The following CRHR1 variants were observed in gnomAD, a reference collection of about 807,000 sequenced individuals.
CRHR1 encodes corticotropin releasing hormone receptor 1.
A neutral mutation model predicts 56.0 loss-of-function variants in CRHR1; 28 were observed. The ratio of observed to expected loss-of-function variants is 0.50; its 90% CI spans 0.37 to 0.69. The LOEUF (loss-of-function observed/expected upper bound fraction) is 0.69. CRHR1 is among the 30% of genes least tolerant of loss of function. The pLI is 0.00. For synonymous variants in CRHR1, 195 were observed against 216.5 expected, an observed-to-expected ratio of 0.90 and a Z score of 0.87; for missense variants, 376 against 548.0, an observed-to-expected ratio of 0.69 and a Z score of 3.13.
Position 45,830,506 on chromosome 17 carries a change from A to C in CRHR1, c.645A>C (p.Thr215=). ...WMFGEGCYLH[T]AIVLTYSTDR... ...TCGGCGAGGGCTGCTACCTGCACAC[A>C]GCCATCGTGCTCACCTACTCCACTG... The change falls in exon 7 of 13, where the codon ACA becomes ACC. Residue 215 remains threonine, a synonymous_variant. Transcript: ENST00000314537. 6.2e-7 allele frequency: 1 copy of C among 1,613,756 alleles called. No homozygotes were observed. Among genetic ancestry groups the C allele is most frequent in the Non-Finnish European group, 8.5e-7 (1 of 1,179,974 alleles).
chr17:45,784,492 T>C lies in CRHR1; in HGVS notation c.-53T>C. ...GCCCGCAGCCGCCCGCCGGTCCCTC[T>C]GGGATGTCCGTAGGACCCGGGCATT... On this transcript the variant is annotated 5_prime_UTR_variant, in exon 1 of 13. Coordinates refer to ENST00000314537, the MANE Select transcript of CRHR1 (RefSeq NM_004382.5). This position sits in a 1 kb window ranked among gnomAD's most constrained non-coding sequence, Gnocchi z 4.2. The C allele has an allele frequency of 6.7e-7, 1 of 1,499,662 alleles. No individual in the cohort carries two copies. The allele number at this position is 1,499,662 out of a possible 1,614,324, so 92.9% of individuals were successfully genotyped here. A position where few individuals can be genotyped will look rare whatever the true frequency, so the allele number is the denominator to read the frequency against.
chr17:45,823,252 G>A (rs926814880), intron 4 of CRHR1, among the ~76,000 whole-genome samples: 1 of 151,958 alleles, frequency 6.6e-6, no homozygotes, highest in South Asian at 2.1e-4. Flanking sequence ...CTGGGAATCT[G>A]TGTCTTTCAT....
In CRHR1 at chr17:45,784,729, CT is replaced by C; in HGVS notation, c.33+153del. The C allele has an allele frequency of 2.5e-6, 2 of 804,934 alleles. No homozygotes were observed. Among genetic ancestry groups the C allele is most frequent in the Non-Finnish European group, 3.5e-6 (2 of 565,878 alleles). The allele number at this position is 804,934 out of a possible 1,614,324, so 49.9% of individuals were successfully genotyped here. A position where few individuals can be genotyped will look rare whatever the true frequency, so the allele number is the denominator to read the frequency against. On this transcript the variant is annotated intron_variant, in intron 1 of 12. Transcript: ENST00000314537. The surrounding 1 kb of genome is among the most constrained non-coding windows in gnomAD (Gnocchi z 4.2). ...CTGGGCTCCGGGGCAGCCTAACTCT[CT>C]GGACCTTTGGAGCCAGGGTTGGGTA...
chr17:45,814,638 C>G (rs749591811), intron 2 of CRHR1, among the ~76,000 whole-genome samples: 2 of 152,242 alleles, frequency 1.3e-5, no homozygotes, highest in Non-Finnish European at 2.9e-5. Flanking sequence ...CAGCTCTCCC[C>G]CCAAGTCCCT....
At position 45,835,077 on chromosome 17, in the gene CRHR1, C is replaced by A; in HGVS notation, c.*313C>A. On this transcript the variant is annotated 3_prime_UTR_variant, in exon 13 of 13. Coordinates refer to ENST00000314537, the MANE Select transcript of CRHR1 (RefSeq NM_004382.5). ...GACACCTACAGCAGCACGCATGTCC[C>A]TCCAAGGCTGTCTTCTCCCAGAGCA... is the stretch of plus-strand genomic sequence containing the variant. 1 of 386,936 alleles carries A rather than the reference C, an allele frequency of 2.6e-6. No individual in the cohort carries two copies. 24.0% of individuals were successfully genotyped at this position (386,936 alleles called of 1,614,324 possible).
In CRHR1 at chr17:45,830,612, C is replaced by T. The variant is rs760429758; in HGVS notation, c.709+42C>T. 4.2e-5 allele frequency: 66 copies of T among 1,565,376 alleles called. No individual in the cohort carries two copies. In the East Asian group the frequency reaches 1.1e-3, roughly 26 times the overall value. On this transcript the variant is annotated intron_variant, in intron 7 of 12. Coordinates refer to ENST00000314537, the MANE Select transcript of CRHR1 (RefSeq NM_004382.5). ...CCTCCGCAGCCTGGGCAGTGGCGGC[C>T]GCCGGGCTGCCCTCTCCTCCAGACT...
intron 7 of CRHR1, 87 bp downstream of exon 7, chr17:45,830,657 G>A (rs1224738587): frequency 2.7e-6 from 4 of 1,497,876 alleles, no homozygotes; most frequent in Non-Finnish European, 3.6e-6. Context: ...GGGCTGGGGG[G>A]CCTGAGGGAT....
At chr17:45,821,548 C>T in intron 4 of CRHR1, 108 bp downstream of exon 4, 1 of 1,065,220 alleles carries the variant, frequency 9.4e-7, no homozygotes, top group Non-Finnish European at 1.4e-6. Flanking sequence ...AATGTCAAGG[C>T]CCTGCTCTAG....
intron 3 of CRHR1, among the ~76,000 whole-genome samples, chr17:45,818,847 A>T (rs866270172): frequency 2.6e-5 from 4 of 152,222 alleles, no homozygotes; most frequent in Admixed American, 1.3e-4. Flanking sequence ...GATGGGAAGC[A>T]TTTCCAAAAA....
chr17:45,792,649 A>G (rs570933930), intron 1 of CRHR1, among the ~76,000 whole-genome samples: 1 of 152,294 alleles, frequency 6.6e-6, no homozygotes, highest in African/African-American at 2.4e-5. Context: ...CTCCTCCTCC[A>G]GGAAGCCCTC....
intron 1 of CRHR1, among the ~76,000 whole-genome samples, chr17:45,787,581 G>A (rs966256337): frequency 2.6e-5 from 4 of 152,178 alleles, no homozygotes; most frequent in Admixed American, 1.3e-4. Context: ...AACCCCCACA[G>A]GTCCCCTTCT....
At chr17:45,824,045 C>G (rs1272196501) in intron 4 of CRHR1, among the ~76,000 whole-genome samples, 1 of 152,182 alleles carries the variant, frequency 6.6e-6, no homozygotes, top group Non-Finnish European at 1.5e-5. Flanking sequence ...GAGAGCCCAC[C>G]TGGGAAGTCC....
At chr17:45,831,257 T>C (rs1170765583) in intron 8 of CRHR1, among the ~76,000 whole-genome samples, 1 of 152,194 alleles carries the variant, frequency 6.6e-6, no homozygotes, top group African/African-American at 2.4e-5. Context: ...CTCAGTTTCC[T>C]CATCTGTAAA....
intron 1 of CRHR1, among the ~76,000 whole-genome samples, chr17:45,797,123 G>A (rs2061532042): frequency 6.6e-6 from 1 of 152,052 alleles, no homozygotes; most frequent in South Asian, 2.1e-4. Context: ...GCTGGAAAGT[G>A]GGGTACATGC....
chr17:45,816,103 T>G (rs2061921592), intron 2 of CRHR1, among the ~76,000 whole-genome samples: 1 of 152,154 alleles, frequency 6.6e-6, no homozygotes, highest in Admixed American at 6.5e-5. Flanking sequence ...GCTGTCACCA[T>G]GCGAGGGACC....
intron 2 of CRHR1, among the ~76,000 whole-genome samples, chr17:45,812,489 A>C (rs2061841959): frequency 6.6e-6 from 1 of 151,962 alleles, no homozygotes; most frequent in African/African-American, 2.4e-5. Flanking sequence ...AAATACCTCC[A>C]CCTGCCAGGA....
At chr17:45,821,604 T>C (rs1243778006) in intron 4 of CRHR1, among the ~76,000 whole-genome samples, 164 bp downstream of exon 4, 2 of 152,168 alleles carry the variant, frequency 1.3e-5, no homozygotes, top group Non-Finnish European at 2.9e-5. Context: ...AAAAGGCCCA[T>C]GAGCAGGCGC....
At chr17:45,834,164 AG>A in intron 12 of CRHR1, 116 bp downstream of exon 12, 3 of 1,293,922 alleles carry the variant, frequency 2.3e-6, no homozygotes, top group Non-Finnish European at 3.3e-6. Context: ...CCCTGCTCCT[AG>A]GTCCCTAGGG....
intron 2 of CRHR1, among the ~76,000 whole-genome samples, chr17:45,809,700 CAGAT>C (rs1352838138): frequency 6.6e-6 from 1 of 152,210 alleles, no homozygotes; most frequent in Admixed American, 6.5e-5. Context: ...AGGGGCGAGA[CAGAT>C]GGATGGGCGT....
Sources: allele counts gnomAD v4.1 joint callset (sites outside exome capture counted in the v4.1 genomes callset), GRCh38; gene constraint gnomAD v4.1.1; non-coding constraint Gnocchi (gnomAD v3.1); transcripts MANE v1.5; gene names NCBI Gene and HGNC (gene_info 2026-07-23, HGNC 2026-07-21).